The following WNK1 variants were observed in gnomAD, a reference collection of about 807,000 sequenced individuals.
WNK1 encodes the protein WNK lysine deficient protein kinase 1, also known as serine/threonine-protein kinase WNK1.
WNK1 carries 38 observed loss-of-function variants against 222.8 expected under a neutral mutation model. The observed-to-expected ratio is 0.17, with a 90% CI of 0.13 to 0.22. The LOEUF (loss-of-function observed/expected upper bound fraction) is 0.22, where lower values mean the gene tolerates loss of function less well. Ranked by LOEUF, WNK1 falls within the 10% of genes least tolerant of loss-of-function variation. WNK1 has a pLI of 1.00. For missense variants in WNK1, 2,348 were observed against 2,918.4 expected (o/e 0.80, Z 4.50); for synonymous variants, 1,090 against 1,092.9 (o/e 1.00, Z 0.05).
chr12:907,652 G>A (rs1565622972), intron 26 of WNK1, 195 bp from the exon 27 acceptor site: 2 of 688,658 alleles, frequency 2.9e-6, no homozygotes, highest in Non-Finnish European at 5.1e-6. Flanking sequence ...CTACTGAAGA[G>A]AAACTGTTTT....
intron 1 of WNK1, among the ~76,000 whole-genome samples, chr12:791,217 TTCTC>T (rs986764914): frequency 2.1e-5 from 3 of 142,084 alleles, no homozygotes; most frequent in Non-Finnish European, 4.6e-5. Context: ...ATTTTACTAT[TTCTC>T]TCACCACACA....
chr12:876,811 T>C (rs1017945175), intron 9 of WNK1, among the ~76,000 whole-genome samples: 1 of 152,110 alleles, frequency 6.6e-6, no homozygotes, highest in Non-Finnish European at 1.5e-5. Flanking sequence ...GTTTTTGTTT[T>C]GTTTATTTTA....
intron 2 of WNK1, among the ~76,000 whole-genome samples, chr12:825,682 C>G (rs1452544709): frequency 6.6e-6 from 1 of 151,912 alleles, no homozygotes; most frequent in Non-Finnish European, 1.5e-5. Flanking sequence ...AATTTTACCT[C>G]AACAAATAGA....
chr12:900,514 C>T lies in WNK1; in HGVS notation c.6487C>T (p.Pro2163Ser). ...TCAGAGTGCAGCTTCAGTCTTGCAC[C>T]CCCAGCAGACCCTCCACCCTCCTGG... Reference protein sequence around the residue: ...SGQSAASVLHPQQTLHPPGNI... With the variant: ...SGQSAASVLHSQQTLHPPGNI... The change falls in exon 26 of 28, where the codon CCC becomes TCC. Residue 2163 changes from proline (P) to serine (S), a missense_variant. Physicochemically the swap from Pro to Ser is moderately conservative, Grantham distance 74. Around this residue, in one of 13 missense-constraint regions of WNK1, gnomAD observed 1,144 missense variants for 1,273.6 expected, o/e 0.90. Transcript: ENST00000315939. 6.2e-7 allele frequency: 1 copy of T among 1,614,112 alleles called. No individual in the cohort carries two copies. The highest frequency in any genetic ancestry group is 8.5e-7 in the Non-Finnish European group (1 of 1,180,012).
chr12:828,825 C>G (rs1343118722), intron 3 of WNK1, among the ~76,000 whole-genome samples: 1 of 152,184 alleles, frequency 6.6e-6, no homozygotes. Context: ...TTTACTCCCT[C>G]CAAAAGGTGA....
chr12:792,178 G>T (rs907270792), intron 1 of WNK1, among the ~76,000 whole-genome samples: 1 of 152,006 alleles, frequency 6.6e-6, no homozygotes, highest in Non-Finnish European at 1.5e-5. Context: ...AATGAGAGAG[G>T]GAAATAATGT....
rs768310149 is a variant in WNK1 at position 862,205 on chromosome 12, G to C, written c.2074G>C (p.Gly692Arg). 1.9e-6 allele frequency: 3 copies of C among 1,613,956 alleles called. No homozygotes were observed. Among genetic ancestry groups the C allele is most frequent in the Admixed American group, 3.3e-5 (2 of 59,990 alleles). The stretch of plus-strand genomic sequence containing the variant: ...GGCACATTCTACAGGCACAGTCCCA[G>C]GGCATATACCTTCTACTGTCCAAGC... ...EQAHSTGTVP[G>R]HIPSTVQAQS... The change falls in exon 8 of 28, where the codon GGG (glycine) becomes CGG (arginine). Residue 692 changes from glycine to arginine, a missense_variant. By Grantham distance (125) the Gly-to-Arg change is moderately radical. Transcript: ENST00000315939.
chr12:907,873 G>C lies in WNK1; in HGVS notation c.6670G>C (p.Ala2224Pro). ...QGTSSTNTVG[A>P]TVNSQAAQAQ... The stretch of plus-strand genomic sequence containing the variant: ...AACCAGCAGCACAAACACTGTTGGG[G>C]CAACAGTGAACAGCCAAGCCGCCCA... The change falls in exon 27 of 28, where the codon GCA becomes CCA. Residue 2224 changes from alanine to proline, a missense_variant. Ala to Pro is a conservative substitution (Grantham distance 27). Transcript: ENST00000315939. 1.2e-6 allele frequency: 2 copies of C among 1,613,866 alleles called. No homozygotes were observed. The highest frequency in any genetic ancestry group is 1.7e-6 in the Non-Finnish European group (2 of 1,180,012).
At chr12:857,617 C>T (rs1950884030) in intron 5 of WNK1, among the ~76,000 whole-genome samples, 1 of 152,182 alleles carries the variant, frequency 6.6e-6, no homozygotes, top group African/African-American at 2.4e-5. Flanking sequence ...TGAAATAAAA[C>T]TTTGGCTCTT....
chr12:860,275 G>A (rs1014157529), intron 6 of WNK1, among the ~76,000 whole-genome samples: 2 of 152,138 alleles, frequency 1.3e-5, no homozygotes, highest in Admixed American at 6.5e-5. Flanking sequence ...ACTTTGAAGA[G>A]AGTTTTCCTG....
At chr12:864,100 A>AT (rs1000967463) in intron 8 of WNK1, among the ~76,000 whole-genome samples, 16 of 141,964 alleles carry the variant, frequency 1.1e-4, no homozygotes, top group African/African-American at 4.6e-4. Flanking sequence ...GTGCCTGAAC[A>AT]TTTTTTTAAG....
chr12:788,969 A>G (rs1944588048), intron 1 of WNK1, among the ~76,000 whole-genome samples: 1 of 152,116 alleles, frequency 6.6e-6, no homozygotes. Flanking sequence ...CTTTGCTTAT[A>G]ACAGTTTTTG....
At chr12:871,231 T>C (rs1421529481) in intron 8 of WNK1, 34 bp from the exon 9 acceptor site, 1 of 1,596,746 alleles carries the variant, frequency 6.3e-7, no homozygotes. Flanking sequence ...CTTTAGGCCT[T>C]CTCTAATTTG....
At position 859,448 on chromosome 12, in the gene WNK1, A is replaced by G. The variant is rs1335393499; in HGVS notation, c.1604A>G (p.Asp535Gly). Residue 535 changes from aspartate (D) to glycine (G), a missense_variant, in exon 6 of 28, where the codon GAT (aspartate) becomes GGT (glycine). Coordinates refer to ENST00000315939, the MANE Select transcript of WNK1 (RefSeq NM_018979.4). ...SFDLERDVPEDVAQEMVESGY... is the reference protein window; with the variant it reads ...SFDLERDVPEGVAQEMVESGY... ...GATTTAGAGAGAGATGTCCCAGAAG[A>G]TGTTGCACAAGAAATGGTAAATTGA... The G allele has an allele frequency of 6.2e-7, 1 of 1,611,346 alleles. No individual in the cohort carries two copies. The highest frequency in any genetic ancestry group is 8.5e-7 in the Non-Finnish European group (1 of 1,178,472).
At position 779,083 on chromosome 12, in the gene WNK1, G is replaced by A. The variant is rs893093114; in HGVS notation, c.759+24759G>A. On this transcript the variant is annotated intron_variant, in intron 1 of 27. Coordinates refer to ENST00000315939, the MANE Select transcript of WNK1 (RefSeq NM_018979.4). ...CTGGATTTTCTTTTGTTTTTATGAA[G>A]TTCAGTGGGAGAGCATTCTCTTCTG... Among the ~76,000 whole-genome samples the A allele has an allele frequency of 3.3e-5, 5 of 152,180 alleles. No individual in the cohort carries two copies. In the South Asian group the frequency reaches 6.2e-4, roughly 19 times the overall value.
chr12:904,057 T>G lies in WNK1; in HGVS notation c.6643+3387T>G, dbSNP rs12231991. Among the ~76,000 whole-genome samples, 1,836 of 152,344 alleles carry G rather than the reference T, an allele frequency of 0.012. 106 individuals carry two copies. In the East Asian group the frequency reaches 0.18, roughly 15 times the overall value. On this transcript the variant is annotated intron_variant, in intron 26 of 27. Transcript: ENST00000315939. The stretch of plus-strand genomic sequence containing the variant: ...GCTAATGCATTTAACTGAGTGCTTT[T>G]TAACAGCCCAGCTGGAGAAACAGGA...
At chr12:795,737 C>G (rs1455280008) in intron 1 of WNK1, among the ~76,000 whole-genome samples, 1 of 152,190 alleles carries the variant, frequency 6.6e-6, no homozygotes, top group African/African-American at 2.4e-5. Flanking sequence ...CATCTACTCT[C>G]TTGCTATACA....
intron 1 of WNK1, among the ~76,000 whole-genome samples, chr12:812,751 TGA>T (rs1383185467): frequency 6.6e-6 from 1 of 151,152 alleles, no homozygotes; most frequent in East Asian, 1.9e-4. Flanking sequence ...AAATGGAAAA[TGA>T]GAGAGAAATT....
At chr12:893,847 T>TAATAATAATAATAATAATAATAATAA (rs1555156464) in intron 22 of WNK1, among the ~76,000 whole-genome samples, 7 of 149,954 alleles carry the variant, frequency 4.7e-5, no homozygotes, top group Non-Finnish European at 5.9e-5. Flanking sequence ...ATAATAATAA[T>TAATAATAATAATAATAATAATAATAA]TCTGAGAACT....
Sources: allele counts gnomAD v4.1 joint callset (sites outside exome capture counted in the v4.1 genomes callset), GRCh38; gene constraint gnomAD v4.1.1; regional missense constraint gnomAD v4.1.1; transcripts MANE v1.5; gene names NCBI Gene and HGNC (gene_info 2026-07-23, HGNC 2026-07-21).